The following FGF14 variants were observed in gnomAD, a reference collection of about 807,000 sequenced individuals.
The protein encoded by FGF14 is fibroblast growth factor 14.
Under a neutral mutation model 25.5 loss-of-function variants are expected in FGF14, and 5 were observed. The observed-to-expected ratio is 0.20, with a 90% CI of 0.10 to 0.41. The LOEUF is 0.41. Among genes scored for constraint, FGF14 ranks in the 10% least tolerant of loss-of-function variants. FGF14 has a pLI of 1.00. For missense variants in FGF14, 222 were observed against 320.1 expected, an observed-to-expected ratio of 0.69 and a Z score of 2.34; for synonymous variants, 138 against 118.3, an observed-to-expected ratio of 1.17 and a Z score of -1.08.
At chr13:101,812,611 CTA>C (rs35878751) in intron 3 of FGF14, among the ~76,000 whole-genome samples, 80 of 12,356 alleles carry the variant, frequency 6.5e-3, no homozygotes, top group African/African-American at 9.8e-3. Flanking sequence ...ATTTTTAAAA[CTA>C]TATATATATA....
At position 102,268,399 on chromosome 13, in the gene FGF14, G is replaced by A. The variant is rs146046462; in HGVS notation, c.208+133072C>T. Among the ~76,000 whole-genome samples the A allele has an allele frequency of 7.2e-3, 1,093 of 152,104 alleles. 17 individuals carry two copies. The highest frequency in any genetic ancestry group is 0.025 in the African/African-American group (1,045 of 41,502). ...TTTGCATGATAATTTTGGTGAAAAC[G>A]CTGCAGAATAATGTTATACTATGAT... On this transcript the variant is annotated intron_variant, in intron 1 of 4. Transcript: ENST00000376131.
intron 1 of FGF14, among the ~76,000 whole-genome samples, chr13:101,958,364 T>C (rs757754121): frequency 2.0e-5 from 3 of 152,194 alleles, no homozygotes; most frequent in South Asian, 4.1e-4. Flanking sequence ...CCTGGCAAAA[T>C]TGTGAACTCA....
At chr13:102,212,564 TCTTCTC>T (rs1287788659) in intron 1 of FGF14, among the ~76,000 whole-genome samples, 1 of 152,172 alleles carries the variant, frequency 6.6e-6, no homozygotes, top group African/African-American at 2.4e-5. Flanking sequence ...ACCATATCTC[TCTTCTC>T]CTTCTCCTTC....
intron 1 of FGF14, among the ~76,000 whole-genome samples, chr13:102,381,012 G>C (rs2058171143): frequency 6.6e-6 from 1 of 152,118 alleles, no homozygotes; most frequent in Admixed American, 6.6e-5. Context: ...CCTTAAACAT[G>C]TTCAGAACAC....
chr13:101,956,557 C>A (rs78577228), intron 1 of FGF14, among the ~76,000 whole-genome samples: 8,553 of 152,058 alleles, frequency 0.056, 360 homozygotes, highest in East Asian at 0.18. Flanking sequence ...TAGTTCTGAG[C>A]CTCGGTTCTC....
intron 3 of FGF14, among the ~76,000 whole-genome samples, chr13:101,824,007 A>G (rs2042286981): frequency 6.6e-6 from 1 of 151,936 alleles, no homozygotes; most frequent in African/African-American, 2.4e-5. Context: ...TTGATGATGA[A>G]TTTATTTTAT....
chr13:102,230,230 G>A (rs2149864), intron 1 of FGF14, among the ~76,000 whole-genome samples: 122,949 of 152,136 alleles, frequency 0.81, 50,079 homozygotes, highest in African/African-American at 0.91. Flanking sequence ...ATCTGCCAGT[G>A]CTTTTATCTT....
intron 1 of FGF14, among the ~76,000 whole-genome samples, chr13:102,159,947 C>G (rs9557824): frequency 3.9e-5 from 6 of 152,022 alleles, no homozygotes; most frequent in African/African-American, 1.4e-4. Context: ...CCTAAATATG[C>G]TATGTCAAAT....
chr13:102,273,597 A>G (rs891465849), intron 1 of FGF14, among the ~76,000 whole-genome samples: 25 of 152,364 alleles, frequency 1.6e-4, no homozygotes, highest in African/African-American at 5.8e-4. Flanking sequence ...GTGTACTAAT[A>G]TAGAACACCT....
At chr13:102,097,362 A>G (rs1445607290) in intron 1 of FGF14, among the ~76,000 whole-genome samples, 1 of 152,212 alleles carries the variant, frequency 6.6e-6, no homozygotes, top group Non-Finnish European at 1.5e-5. Context: ...TTAGAAATAT[A>G]CTATCCCTTG....
At chr13:101,851,392 G>C (rs899219672) in intron 3 of FGF14, among the ~76,000 whole-genome samples, 1 of 152,006 alleles carries the variant, frequency 6.6e-6, no homozygotes, top group Non-Finnish European at 1.5e-5. Flanking sequence ...CTGACACCTC[G>C]ATCTCGGGCT....
intron 1 of FGF14, among the ~76,000 whole-genome samples, chr13:102,048,655 T>G (rs2042094853): frequency 6.6e-6 from 1 of 152,322 alleles, no homozygotes; most frequent in African/African-American, 2.4e-5. Flanking sequence ...ATGATGATGC[T>G]GCACCTGTGT....
chr13:101,894,575 A>G (rs1466440163), intron 1 of FGF14, among the ~76,000 whole-genome samples: 1 of 152,168 alleles, frequency 6.6e-6, no homozygotes, highest in Non-Finnish European at 1.5e-5. Context: ...ATTTTAACCT[A>G]CTATTTCTGC....
chr13:101,814,289 T>A (rs1241251321), intron 3 of FGF14, among the ~76,000 whole-genome samples: 2 of 151,914 alleles, frequency 1.3e-5, no homozygotes, highest in African/African-American at 2.4e-5. Context: ...CAAAGAACAC[T>A]GGAGCTGAAA....
intron 1 of FGF14, chr13:102,003,413 C>T (rs1038708967): frequency 2.0e-5 from 3 of 152,072 alleles, no homozygotes; most frequent in East Asian, 1.9e-4. Flanking sequence ...TTTGATGAGG[C>T]TGACTGGATT....
At chr13:102,366,608 A>T in intron 1 of FGF14, 1 of 114,852 alleles carries the variant, frequency 8.7e-6, no homozygotes, top group South Asian at 2.9e-4. Context: ...CACTGACCAC[A>T]TTCTCCTTGC....
At chr13:102,241,709 A>G (rs553985459) in intron 1 of FGF14, among the ~76,000 whole-genome samples, 3 of 152,190 alleles carry the variant, frequency 2.0e-5, no homozygotes, top group East Asian at 3.9e-4. Flanking sequence ...TCCTTCCATT[A>G]CCTACAGAGC....
chr13:102,114,510 G>T (rs1351871340), intron 1 of FGF14, among the ~76,000 whole-genome samples: 1 of 152,158 alleles, frequency 6.6e-6, no homozygotes, highest in Non-Finnish European at 1.5e-5. Flanking sequence ...TATCTGCATT[G>T]TTATGTTCAT....
At chr13:102,242,371 G>A (rs939232969) in intron 1 of FGF14, among the ~76,000 whole-genome samples, 3 of 152,008 alleles carry the variant, frequency 2.0e-5, no homozygotes, top group Admixed American at 6.6e-5. Context: ...CCTGAGATTG[G>A]GTAATTTATA....
Sources: gnomAD v4.1 joint callset for allele counts (sites outside exome capture counted in the v4.1 genomes callset) on GRCh38, gnomAD v4.1.1 for gene constraint, MANE v1.5 for transcripts, NCBI Gene and HGNC (gene_info 2026-07-23, HGNC 2026-07-21) for gene names.